The following TBC1D8 variants were observed in gnomAD, a reference collection of about 807,000 sequenced individuals.
The protein encoded by TBC1D8 is BUB2-like protein 1.
Under a neutral mutation model 118.8 loss-of-function variants are expected in TBC1D8, and 65 were observed. The observed-to-expected ratio is 0.55, with a 90% CI of 0.45 to 0.67. The LOEUF is 0.67. TBC1D8 is among the 30% of genes least tolerant of loss of function. The probability of loss-of-function intolerance (pLI) is 0.00; values close to 1 mark genes in which losing one functional copy is unlikely to be tolerated. For synonymous variants in TBC1D8, 566 were observed against 595.8 expected (o/e 0.95, Z 0.73); for missense variants, 1,376 against 1,471.2 (o/e 0.94, Z 1.06).
intron 1 of TBC1D8, among the ~76,000 whole-genome samples, chr2:101,124,021 T>G (rs942881157): frequency 1.3e-5 from 2 of 152,220 alleles, no homozygotes; most frequent in African/African-American, 4.8e-5. Context: ...CCAGCCCCTG[T>G]TGTCCTGTCC....
intron 15 of TBC1D8, among the ~76,000 whole-genome samples, chr2:101,024,711 C>G (rs7563028): frequency 0.054 from 8,161 of 152,100 alleles, 733 homozygotes; most frequent in African/African-American, 0.19. Context: ...CCGGCCAGAA[C>G]TGTAATTTGA....
intron 15 of TBC1D8, 75 bp from the exon 16 acceptor site, chr2:101,022,596 TAATA>T: frequency 6.6e-7 from 1 of 1,513,974 alleles, no homozygotes; most frequent in African/African-American, 1.4e-5. Context: ...ACAAATACAA[TAATA>T]AATTACTCAC....
intron 2 of TBC1D8, among the ~76,000 whole-genome samples, chr2:101,078,915 G>A (rs1675057905): frequency 6.6e-6 from 1 of 151,892 alleles, no homozygotes; most frequent in African/African-American, 2.4e-5. Context: ...CCAGCCCCAG[G>A]CAATTCAGAT....
intron 11 of TBC1D8, among the ~76,000 whole-genome samples, chr2:101,030,505 T>C (rs1485974174): frequency 6.6e-6 from 1 of 152,180 alleles, no homozygotes; most frequent in African/African-American, 2.4e-5. Flanking sequence ...AAGATGAACA[T>C]TACCAAGTTT....
In TBC1D8 at chr2:101,094,142, A is replaced by T. The variant is rs565687930; in HGVS notation, c.128-3778T>A. On this transcript the variant is annotated intron_variant, in intron 1 of 19. Coordinates refer to ENST00000409318, the MANE Select transcript of TBC1D8 (RefSeq NM_001330348.2). The stretch of plus-strand genomic sequence containing the variant: ...TCTGCCCACTTAATAACCCTCAGAA[A>T]AGAAGGAAGAGCACTGAGCTTTTCT... Among the ~76,000 whole-genome samples the T allele has an allele frequency of 3.9e-5, 6 of 152,242 alleles. No homozygotes were observed. The South Asian group carries it at 1.2e-3, about 32-fold the overall frequency.
At chr2:101,113,362 C>G (rs1677688182) in intron 1 of TBC1D8, among the ~76,000 whole-genome samples, 1 of 151,822 alleles carries the variant, frequency 6.6e-6, no homozygotes, top group Non-Finnish European at 1.5e-5. Context: ...AATTCAGTTC[C>G]CACACAGGAT....
chr2:101,109,988 T>C, intron 1 of TBC1D8: 1 of 985,420 alleles, frequency 1.0e-6, no homozygotes, highest in African/African-American at 1.7e-5. Flanking sequence ...TCCATATGGC[T>C]TGTCTGGCGC....
At chr2:101,093,168 C>T (rs1394361318) in intron 1 of TBC1D8, among the ~76,000 whole-genome samples, 1 of 152,132 alleles carries the variant, frequency 6.6e-6, no homozygotes, top group African/African-American at 2.4e-5. Context: ...ATATAATACA[C>T]ATAGCACACA....
intron 17 of TBC1D8, chr2:101,018,178 T>C (rs1558622761): frequency 2.6e-6 from 1 of 384,754 alleles, no homozygotes; most frequent in Non-Finnish European, 4.7e-6. Context: ...TAATCTATAA[T>C]TATGTTTTAG....
chr2:101,077,643 G>C (rs1674934065), intron 2 of TBC1D8, among the ~76,000 whole-genome samples: 1 of 152,122 alleles, frequency 6.6e-6, no homozygotes, highest in Non-Finnish European at 1.5e-5. Context: ...CCATTCAAGA[G>C]AAATCTACCC....
intron 1 of TBC1D8, among the ~76,000 whole-genome samples, chr2:101,121,990 C>T (rs533077518): frequency 3.3e-5 from 5 of 151,908 alleles, no homozygotes; most frequent in Middle Eastern, 3.4e-3. Flanking sequence ...TGCTTGAACC[C>T]GGTAGGCAGA....
intron 19 of TBC1D8, among the ~76,000 whole-genome samples, chr2:101,009,774 G>A (rs940190877): frequency 5.9e-5 from 9 of 151,852 alleles, no homozygotes; most frequent in African/African-American, 2.2e-4. Flanking sequence ...CTCTTGAAGG[G>A]TCGTAGTCCA....
chr2:101,020,841 C>T (rs1050826805), intron 17 of TBC1D8, among the ~76,000 whole-genome samples: 2 of 152,196 alleles, frequency 1.3e-5, no homozygotes, highest in African/African-American at 4.8e-5. Flanking sequence ...AGTATCTGCA[C>T]AAGGTCTACA....
chr2:101,101,895 G>A (rs1004023924), intron 1 of TBC1D8, among the ~76,000 whole-genome samples: 1 of 152,024 alleles, frequency 6.6e-6, no homozygotes, highest in African/African-American at 2.4e-5. Flanking sequence ...GAGCCTGTTG[G>A]GGGGTAGGGG....
intron 8 of TBC1D8, 84 bp downstream of exon 8, chr2:101,037,448 C>T: frequency 6.5e-7 from 1 of 1,543,278 alleles, no homozygotes; most frequent in Non-Finnish European, 8.7e-7. Flanking sequence ...GTGCCACGTT[C>T]CATGGTGACT....
At chr2:101,055,277 T>A (rs1046567993) in intron 3 of TBC1D8, among the ~76,000 whole-genome samples, 19 of 151,702 alleles carry the variant, frequency 1.3e-4, no homozygotes, top group African/African-American at 4.6e-4. Context: ...CAATCCCAGC[T>A]ACTTGGGAGG....
chr2:101,023,160 T>C (rs1021605064), intron 15 of TBC1D8, among the ~76,000 whole-genome samples: 8 of 144,916 alleles, frequency 5.5e-5, no homozygotes, highest in African/African-American at 2.0e-4. Context: ...TTTTCCTTTT[T>C]TTGAGACGGA....
At chr2:101,148,637 C>A (rs1238766241) in intron 1 of TBC1D8, among the ~76,000 whole-genome samples, 1 of 152,176 alleles carries the variant, frequency 6.6e-6, no homozygotes, top group East Asian at 1.9e-4. Context: ...ACTTCAACCA[C>A]CAGATCTCCT....
chr2:101,048,359 C>T (rs1681839329), intron 5 of TBC1D8, among the ~76,000 whole-genome samples: 1 of 152,126 alleles, frequency 6.6e-6, no homozygotes. Context: ...GGCTGAGAGA[C>T]CATCATGGGG....
Sources: gnomAD v4.1 joint callset for allele counts (sites outside exome capture counted in the v4.1 genomes callset) on GRCh38, gnomAD v4.1.1 for gene constraint, MANE v1.5 for transcripts, NCBI Gene and HGNC (gene_info 2026-07-23, HGNC 2026-07-21) for gene names.